Variants in SLC8A1 observed in about 807,000 individuals in gnomAD.
SLC8A1 encodes solute carrier family 8 member A1.
In SLC8A1, 18 loss-of-function variants were observed where a neutral mutation model predicts 68.3. The ratio of observed to expected loss-of-function variants is 0.26; its 90% CI spans 0.18 to 0.39. The LOEUF (loss-of-function observed/expected upper bound fraction) is 0.39, where lower values mean the gene tolerates loss of function less well. Ranked by LOEUF, SLC8A1 falls within the 10% of genes least tolerant of loss-of-function variation. The pLI is 1.00. For missense variants in SLC8A1, 985 were observed against 1,156.7 expected (o/e 0.85, Z 2.15); for synonymous variants, 475 against 415.5 (o/e 1.14, Z -1.74).
At chr2:40,377,576 C>G (rs550727044) in intron 2 of SLC8A1, among the ~76,000 whole-genome samples, 1 of 151,736 alleles carries the variant, frequency 6.6e-6, no homozygotes, top group East Asian at 1.9e-4. Context: ...TAGAGCAGAG[C>G]TCAAAGTGAA....
intron 2 of SLC8A1, among the ~76,000 whole-genome samples, chr2:40,378,523 C>T (rs527354865): frequency 3.5e-4 from 54 of 152,124 alleles, no homozygotes; most frequent in African/African-American, 1.2e-3. Context: ...CAGTGAAGTG[C>T]GAAGCTAGTG....
intron 2 of SLC8A1, among the ~76,000 whole-genome samples, chr2:40,406,604 A>G (rs1017662420): frequency 2.6e-5 from 4 of 152,126 alleles, no homozygotes; most frequent in African/African-American, 9.7e-5. Flanking sequence ...GAAGAGGGGA[A>G]TATCTTCCCA....
At chr2:40,174,875 A>G in intron 3 of SLC8A1, 33 bp from the exon 5 acceptor site, 3 of 1,594,256 alleles carry the variant, frequency 1.9e-6, no homozygotes, top group Non-Finnish European at 2.6e-6. Context: ...CAAATGTTAT[A>G]ATTTGACACT....
chr2:40,154,441 T>A (rs958900665), intron 6 of SLC8A1, among the ~76,000 whole-genome samples: 6 of 150,106 alleles, frequency 4.0e-5, no homozygotes, highest in Admixed American at 3.3e-4. Flanking sequence ...GTAGCTGGGA[T>A]TACAGGCACC....
chr2:40,125,222 T>C (rs2037815344), intron 7 of SLC8A1, among the ~76,000 whole-genome samples: 1 of 152,170 alleles, frequency 6.6e-6, no homozygotes, highest in African/African-American at 2.4e-5. Flanking sequence ...GTTAGACAAA[T>C]CCTTGGATGA....
exon 8 of SLC8A1, chr2:40,115,480 G>C (rs1406498517): frequency 6.8e-6 from 11 of 1,614,196 alleles, no homozygotes; most frequent in Non-Finnish European, 9.3e-6. Context: ...ACTTTGAACT[G>C]TTCCCCATTG....
chr2:40,250,899 A>G (rs1443652925), intron 2 of SLC8A1: 1 of 152,204 alleles, frequency 6.6e-6, no homozygotes, highest in Admixed American at 6.5e-5. Flanking sequence ...TTGGATCACA[A>G]TACTAAGGAG....
rs540066130 is a variant in SLC8A1 at position 40,481,614 on chromosome 2, T to C, written c.-25+30735A>G. ...TAATACAGTCTTATACTGAATAGAA[T>C]TATCATAATCTCTACCACTAGGCTT... On this transcript the variant is annotated intron_variant, in intron 1 of 7. Coordinates refer to the SLC8A1 transcript ENST00000402441. Among the ~76,000 whole-genome samples the C allele has an allele frequency of 1.1e-4, 16 of 152,296 alleles. No homozygotes were observed. In the South Asian group the frequency reaches 2.9e-3, roughly 28 times the overall value.
At position 40,199,797 on chromosome 2, in the gene SLC8A1, G is replaced by A. The variant is rs370693106; in HGVS notation, c.1809-21942C>T. Among the ~76,000 whole-genome samples the A allele has an allele frequency of 2.3e-4, 35 of 151,638 alleles. 1 individual carries two copies. In the South Asian group the frequency reaches 4.8e-3, roughly 21 times the overall value. ...TTCAAAACTGACAGGACTTACATTA[G>A]GCTCTTGTTCTTAGTTTTAGTTTTA... On this transcript the variant is annotated intron_variant, in intron 2 of 7. Transcript: ENST00000406785.
intron 2 of SLC8A1, among the ~76,000 whole-genome samples, chr2:40,302,216 C>T (rs1266170707): frequency 6.6e-6 from 1 of 151,900 alleles, no homozygotes; most frequent in Non-Finnish European, 1.5e-5. Context: ...AGTCTTTTAT[C>T]CCTCACTTCC....
chr2:40,401,986 A>G (rs1688885736), intron 2 of SLC8A1, among the ~76,000 whole-genome samples: 1 of 152,202 alleles, frequency 6.6e-6, no homozygotes, highest in Non-Finnish European at 1.5e-5. Context: ...AGGCATTTGA[A>G]GCAGAGCAAC....
chr2:40,315,346 A>G (rs114360751), intron 2 of SLC8A1, among the ~76,000 whole-genome samples: 1,715 of 151,916 alleles, frequency 0.011, 37 homozygotes, highest in African/African-American at 0.039. Flanking sequence ...TGCAAAACGT[A>G]ATTTCTAGAA....
intron 2 of SLC8A1, among the ~76,000 whole-genome samples, chr2:40,270,433 T>A (rs566107393): frequency 1.5e-4 from 23 of 152,358 alleles, no homozygotes; most frequent in African/African-American, 5.5e-4. Context: ...GCTGTGTTCC[T>A]TTTCGGACAA....
At chr2:40,221,269 A>T (rs1360641745) in intron 2 of SLC8A1, among the ~76,000 whole-genome samples, 1 of 152,236 alleles carries the variant, frequency 6.6e-6, no homozygotes, top group African/African-American at 2.4e-5. Context: ...AAACAGAACC[A>T]ATGGCAAAAA....
chr2:40,209,779 C>T (rs1363646985), intron 2 of SLC8A1, among the ~76,000 whole-genome samples: 1 of 152,006 alleles, frequency 6.6e-6, no homozygotes, highest in Non-Finnish European at 1.5e-5. Flanking sequence ...CTCAGGGAGA[C>T]AGGAAGCAAA....
intron 2 of SLC8A1, among the ~76,000 whole-genome samples, chr2:40,378,443 G>C (rs2149537671): frequency 6.6e-6 from 1 of 152,272 alleles, no homozygotes; most frequent in East Asian, 1.9e-4. Flanking sequence ...GATGGCTGAA[G>C]TAGAGTATGT....
intron 2 of SLC8A1, 81 bp from the exon 3 acceptor site, chr2:40,178,574 T>G: frequency 1.7e-6 from 2 of 1,169,716 alleles, no homozygotes; most frequent in South Asian, 2.6e-5. Flanking sequence ...AAAGCAAGGT[T>G]AACCAGCTGC....
intron 1 of SLC8A1, among the ~76,000 whole-genome samples, chr2:40,503,489 A>T (rs1465604597): frequency 1.3e-5 from 2 of 152,040 alleles, no homozygotes; most frequent in Admixed American, 6.6e-5. Flanking sequence ...TATAAAGGGC[A>T]TCCATATTTG....
intron 1 of SLC8A1, among the ~76,000 whole-genome samples, chr2:40,433,947 C>A (rs1335281698): frequency 6.6e-6 from 1 of 152,128 alleles, no homozygotes; most frequent in African/African-American, 2.4e-5. Flanking sequence ...AGACAAGCAT[C>A]AATAACTGTG....
Sources: allele counts gnomAD v4.1 joint callset (sites outside exome capture counted in the v4.1 genomes callset), GRCh38; gene constraint gnomAD v4.1.1; transcripts MANE v1.5; gene names NCBI Gene and HGNC (gene_info 2026-07-23, HGNC 2026-07-21).